The following PRKN variants were observed in gnomAD, a reference collection of about 807,000 sequenced individuals.
The protein encoded by PRKN is parkin RBR E3 ubiquitin protein ligase.
PRKN carries 56 observed loss-of-function variants against 59.5 expected under a neutral mutation model. The observed-to-expected ratio is 0.94, with a 90% CI of 0.76 to 1.18. The LOEUF (loss-of-function observed/expected upper bound fraction) is 1.18, where lower values mean the gene tolerates loss of function less well. Ranked by LOEUF, PRKN falls within the 50% of genes most tolerant of loss-of-function variation. The probability of loss-of-function intolerance (pLI) is 0.00; values close to 1 mark genes in which losing one functional copy is unlikely to be tolerated. For missense variants in PRKN, 657 were observed against 596.4 expected (o/e 1.10, Z -1.06); for synonymous variants, 250 against 222.1 (o/e 1.13, Z -1.12).
chr6:162,017,854 A>G (rs191710352), intron 5 of PRKN, among the ~76,000 whole-genome samples: 3 of 152,084 alleles, frequency 2.0e-5, no homozygotes, highest in African/African-American at 7.2e-5. Flanking sequence ...GACAAGCTGC[A>G]TTCATCTTAA....
chr6:161,875,110 ATT>A (rs943893583), intron 6 of PRKN, among the ~76,000 whole-genome samples: 12 of 132,374 alleles, frequency 9.1e-5, no homozygotes, highest in Non-Finnish European at 1.5e-4. Flanking sequence ...AAGTATATAT[ATT>A]ATATATAAAG....
intron 2 of PRKN, among the ~76,000 whole-genome samples, chr6:162,326,686 A>G (rs939879422): frequency 1.3e-5 from 2 of 152,200 alleles, no homozygotes; most frequent in Non-Finnish European, 2.9e-5. Flanking sequence ...TCATAGATTA[A>G]AAACCAATCT....
At chr6:161,875,034 A>G (rs1269317199) in intron 6 of PRKN, among the ~76,000 whole-genome samples, 1 of 107,978 alleles carries the variant, frequency 9.3e-6, no homozygotes, top group Non-Finnish European at 1.6e-5. Flanking sequence ...ATATAATATA[A>G]TAAATTATAT....
At chr6:162,094,623 G>A (rs917463867) in intron 4 of PRKN, among the ~76,000 whole-genome samples, 6 of 152,024 alleles carry the variant, frequency 3.9e-5, no homozygotes, top group African/African-American at 1.5e-4. Flanking sequence ...CATGTGACTG[G>A]AAAGACTATT....
At chr6:161,809,653 A>G (rs1265615503) in intron 6 of PRKN, among the ~76,000 whole-genome samples, 1 of 152,238 alleles carries the variant, frequency 6.6e-6, no homozygotes, top group East Asian at 1.9e-4. Flanking sequence ...AACTAAAAAT[A>G]TAAATCATTC....
intron 7 of PRKN, among the ~76,000 whole-genome samples, chr6:161,753,207 C>A (rs1157760808): frequency 6.6e-6 from 1 of 151,986 alleles, no homozygotes. Flanking sequence ...TGAAGAGTTG[C>A]ATGATAGTTG....
In PRKN at chr6:161,352,772, T is replaced by TATATATATATA; in HGVS notation, c.1286-2562_1286-2561insTATATATATAT. Among the ~76,000 whole-genome samples the TATATATATATA allele has an allele frequency of 2.0e-5, 2 of 100,394 alleles. No individual in the cohort carries two copies. 65.9% of individuals were successfully genotyped at this position (100,394 alleles called of 152,430 possible). A position where few individuals can be genotyped will look rare whatever the true frequency, so the allele number is the denominator to read the frequency against. ...GTGTGTGTGTATATATATATATATA[T>TATATATATATA]TTTATTTTATTTTATTTTATTTTTT... On this transcript the variant is annotated intron_variant, in intron 11 of 11. Coordinates refer to ENST00000366898, the MANE Select transcript of PRKN (RefSeq NM_004562.3). This position sits in a 1 kb window ranked among gnomAD's most constrained non-coding sequence, Gnocchi z 5.8.
chr6:161,597,161 A>G (rs1157714746), intron 7 of PRKN, among the ~76,000 whole-genome samples: 1 of 152,146 alleles, frequency 6.6e-6, no homozygotes, highest in Non-Finnish European at 1.5e-5. Flanking sequence ...ACCTGTGGGC[A>G]TGGGGTGATG....
At chr6:162,495,481 G>T (rs1793020081) in intron 1 of PRKN, among the ~76,000 whole-genome samples, 1 of 152,066 alleles carries the variant, frequency 6.6e-6, no homozygotes, top group Non-Finnish European at 1.5e-5. Context: ...AGAGCTTGGG[G>T]AACCATTGTT....
intron 1 of PRKN, among the ~76,000 whole-genome samples, chr6:162,475,200 C>T (rs1048412341): frequency 1.4e-4 from 21 of 152,232 alleles, no homozygotes; most frequent in Middle Eastern, 3.4e-3. Context: ...TCACTATTAA[C>T]CAAAAAACAG....
intron 2 of PRKN, among the ~76,000 whole-genome samples, chr6:162,302,108 G>A (rs933863798): frequency 6.6e-6 from 1 of 152,050 alleles, no homozygotes; most frequent in African/African-American, 2.4e-5. Flanking sequence ...CGATAAGCAA[G>A]TCTTACTGAT....
chr6:162,441,165 G>C (rs2128166749), intron 2 of PRKN, among the ~76,000 whole-genome samples: 1 of 152,134 alleles, frequency 6.6e-6, no homozygotes, highest in African/African-American at 2.4e-5. Context: ...CTCCCATCAT[G>C]TTGGAACAAT....
Position 161,366,593 on chromosome 6 carries a change from C to T in PRKN, c.1168-6388G>A, listed in dbSNP as rs138560395. On this transcript the variant is annotated intron_variant, in intron 10 of 11. Coordinates refer to ENST00000366898, the MANE Select transcript of PRKN (RefSeq NM_004562.3). ...AACTTAGCCAAGATTGAAAACCCAA[C>T]TTAGGAGTGTGTCTGACTTAATATG... Among the ~76,000 whole-genome samples the T allele has an allele frequency of 7.2e-4, 110 of 152,206 alleles. 1 individual carries two copies. The highest frequency in any genetic ancestry group is 1.4e-3 in the Non-Finnish European group (95 of 68,034).
chr6:161,697,603 C>G (rs1022494807), intron 7 of PRKN, among the ~76,000 whole-genome samples: 4 of 152,166 alleles, frequency 2.6e-5, no homozygotes, highest in African/African-American at 9.7e-5. Flanking sequence ...AAACAGTATT[C>G]TTTCTCTCCC....
At chr6:162,313,464 T>TGTTG (rs1300496359) in intron 2 of PRKN, among the ~76,000 whole-genome samples, 1 of 152,088 alleles carries the variant, frequency 6.6e-6, no homozygotes, top group Non-Finnish European at 1.5e-5. Context: ...TTCTATTGCA[T>TGTTG]GTTGCATGTA....
In PRKN at chr6:162,056,760, G is replaced by T. The variant is rs1331325790; in HGVS notation, c.535-2586C>A. On this transcript the variant is annotated intron_variant, in intron 4 of 11. Coordinates refer to ENST00000366898, the MANE Select transcript of PRKN (RefSeq NM_004562.3). This position sits in a 1 kb window ranked among gnomAD's most constrained non-coding sequence, Gnocchi z 4.9. ...ACAACATCTTCTCACCCTCGGCAAG[G>T]CTGGAATTTTGATAAGCCCCAGGCA... Among the ~76,000 whole-genome samples, 2 of 152,252 alleles carry T rather than the reference G, an allele frequency of 1.3e-5. No homozygotes were observed. The highest frequency in any genetic ancestry group is 4.1e-4 in the South Asian group (2 of 4,826).
At position 161,551,762 on chromosome 6, in the gene PRKN, G is replaced by A. The variant is rs1780027830; in HGVS notation, c.934-2759C>T. ...CGGGGAGGCCATTGGATAGGACTCT[G>A]GGGTTGTAAAGGATTTTCGAAAATG... On this transcript the variant is annotated intron_variant, in intron 8 of 11. Transcript: ENST00000366898. This position sits in a 1 kb window ranked among gnomAD's most constrained non-coding sequence, Gnocchi z 5.2. Among the ~76,000 whole-genome samples, 1 of 152,190 alleles carries A rather than the reference G, an allele frequency of 6.6e-6. No individual in the cohort carries two copies. Among genetic ancestry groups the A allele is most frequent in the African/African-American group, 2.4e-5 (1 of 41,446 alleles).
chr6:161,477,496 A>G (rs6912352), intron 9 of PRKN, among the ~76,000 whole-genome samples: 147,925 of 147,932 alleles, frequency 1, 73,959 homozygotes, highest in Middle Eastern at 1. Context: ...AGCAACAAGA[A>G]TGAAACTCCA....
intron 2 of PRKN, among the ~76,000 whole-genome samples, chr6:162,435,910 T>C (rs1789744212): frequency 6.6e-6 from 1 of 152,170 alleles, no homozygotes; most frequent in Non-Finnish European, 1.5e-5. Flanking sequence ...TTTGCAGAAT[T>C]CTTTTATATA....
Sources: gnomAD v4.1 joint callset for allele counts (sites outside exome capture counted in the v4.1 genomes callset) on GRCh38, gnomAD v4.1.1 for gene constraint, Gnocchi (gnomAD v3.1) non-coding constraint, MANE v1.5 for transcripts, NCBI Gene and HGNC (gene_info 2026-07-23, HGNC 2026-07-21) for gene names.